The following RELL1 variants were observed in gnomAD, a reference collection of about 807,000 sequenced individuals.
RELL1 encodes the protein RELT-like protein 1.
A neutral mutation model predicts 23.0 loss-of-function variants in RELL1; 10 were observed. The observed-to-expected ratio is 0.43, with a 90% CI of 0.27 to 0.74. The LOEUF (loss-of-function observed/expected upper bound fraction) is 0.74, where lower values mean the gene tolerates loss of function less well. RELL1 is among the 30% of genes least tolerant of loss of function. The pLI is 0.19. For missense variants in RELL1, 315 were observed against 364.4 expected, an observed-to-expected ratio of 0.86 and a Z score of 1.10; for synonymous variants, 146 against 146.8, an observed-to-expected ratio of 0.99 and a Z score of 0.04.
chr4:37,597,701 G>A (rs943085697), intron 6 of RELL1, among the ~76,000 whole-genome samples: 29 of 152,168 alleles, frequency 1.9e-4, no homozygotes, highest in Non-Finnish European at 2.9e-5. Flanking sequence ...AGGTTTTCAT[G>A]GCATCAGCCA....
chr4:37,621,948 A>C (rs116822161), intron 6 of RELL1, among the ~76,000 whole-genome samples: 2,689 of 152,332 alleles, frequency 0.018, 56 homozygotes, highest in South Asian at 0.035. Flanking sequence ...AAAAAACATC[A>C]TAGTTGATGA....
chr4:37,634,750 G>A, intron 5 of RELL1, 137 bp downstream of exon 5: 2 of 774,586 alleles, frequency 2.6e-6, no homozygotes, highest in South Asian at 1.7e-5. Context: ...ACTCACACCA[G>A]AAAACATCTA....
intron 6 of RELL1, among the ~76,000 whole-genome samples, chr4:37,621,469 A>G (rs1719764747): frequency 6.6e-6 from 1 of 151,978 alleles, no homozygotes. Context: ...AAATAATAAT[A>G]ATAATAAAAT....
chr4:37,666,862 A>G (rs6531568), intron 1 of RELL1, among the ~76,000 whole-genome samples: 35,375 of 152,016 alleles, frequency 0.23, 4,292 homozygotes, highest in South Asian at 0.33. Flanking sequence ...GGGTTTTCCA[A>G]TTAGTCACAG....
chr4:37,633,137 G>A (rs1321398842), intron 5 of RELL1, among the ~76,000 whole-genome samples: 1 of 152,116 alleles, frequency 6.6e-6, no homozygotes, highest in Non-Finnish European at 1.5e-5. Context: ...GGCCAGGCAC[G>A]GTGGCTTACA....
chr4:37,604,824 C>G (rs1403148912), intron 6 of RELL1, among the ~76,000 whole-genome samples: 2 of 98,910 alleles, frequency 2.0e-5, no homozygotes, highest in South Asian at 3.5e-4. Context: ...CACACACAGA[C>G]ACACACATAC....
intron 6 of RELL1, among the ~76,000 whole-genome samples, chr4:37,618,694 C>T (rs548183260): frequency 9.8e-4 from 150 of 152,286 alleles, no homozygotes; most frequent in African/African-American, 3.5e-3. Context: ...ATTATCTTTG[C>T]ATTTATGCAT....
At chr4:37,642,862 G>A (rs572696484) in intron 3 of RELL1, among the ~76,000 whole-genome samples, 21 of 152,248 alleles carry the variant, frequency 1.4e-4, no homozygotes, top group Non-Finnish European at 1.2e-4. Context: ...TAGCTTCCAG[G>A]TGGCTGAACA....
chr4:37,643,553 T>G (rs1423984122), intron 3 of RELL1, among the ~76,000 whole-genome samples: 1 of 152,196 alleles, frequency 6.6e-6, no homozygotes, highest in Non-Finnish European at 1.5e-5. Flanking sequence ...GTGCTTAATT[T>G]TATTCCTTTT....
intron 6 of RELL1, among the ~76,000 whole-genome samples, chr4:37,604,542 A>G (rs1038733751): frequency 5.3e-5 from 8 of 151,056 alleles, no homozygotes; most frequent in African/African-American, 1.9e-4. Context: ...CCAAATCAGA[A>G]TCCTATGAGG....
chr4:37,671,191 G>GACT (rs1216577840), intron 1 of RELL1, among the ~76,000 whole-genome samples: 1 of 152,192 alleles, frequency 6.6e-6, no homozygotes, highest in Non-Finnish European at 1.5e-5. Context: ...TCTGCCTAGG[G>GACT]ACTACAAATT....
chr4:37,589,026 TAA>T (rs1718458269), downstream of RELL1: 1 of 679,480 alleles, frequency 1.5e-6, no homozygotes, highest in African/African-American at 1.8e-5. Flanking sequence ...GCCAACACAT[TAA>T]GAGTTTGGAA....
chr4:37,626,691 A>G (rs1396648097), intron 6 of RELL1, among the ~76,000 whole-genome samples: 2 of 152,134 alleles, frequency 1.3e-5, no homozygotes, highest in Non-Finnish European at 2.9e-5. Context: ...ATAATGAAAC[A>G]CTGTTCGGCC....
chr4:37,663,635 G>A (rs1004780777), intron 1 of RELL1, among the ~76,000 whole-genome samples: 2 of 152,086 alleles, frequency 1.3e-5, no homozygotes, highest in African/African-American at 2.4e-5. Context: ...ACCCCCATTC[G>A]CAGATGAGGA....
chr4:37,635,461 GA>G (rs1477321035), intron 4 of RELL1, among the ~76,000 whole-genome samples: 1 of 151,668 alleles, frequency 6.6e-6, no homozygotes, highest in Non-Finnish European at 1.5e-5. Flanking sequence ...CCTCGTCTCT[GA>G]AAAAAAATGA....
At chr4:37,622,830 G>C (rs1350588910) in intron 6 of RELL1, 1 of 430,868 alleles carries the variant, frequency 2.3e-6, no homozygotes, top group African/African-American at 2.2e-5. Flanking sequence ...CTGAGACAGA[G>C]TCTTGCTGTT....
At chr4:37,649,626 G>A (rs1720829841) in intron 1 of RELL1, 126 bp from the exon 2 acceptor site, 1 of 763,240 alleles carries the variant, frequency 1.3e-6, no homozygotes, top group Non-Finnish European at 2.1e-6. Context: ...GCAGACTGGT[G>A]GGTCCAGCTG....
At chr4:37,592,196 A>C (rs1718645301) in intron 6 of RELL1, among the ~76,000 whole-genome samples, 2 of 139,240 alleles carry the variant, frequency 1.4e-5, no homozygotes, top group Non-Finnish European at 1.6e-5. Flanking sequence ...GTGACAGTGC[A>C]AGACTCCATC....
At chr4:37,649,569 G>A (rs1163988185) in intron 1 of RELL1, 69 bp from the exon 2 acceptor site, 3 of 1,394,750 alleles carry the variant, frequency 2.2e-6, no homozygotes, top group Non-Finnish European at 3.0e-6. Flanking sequence ...TGACTCTCAG[G>A]TAATGTTCAC....
Sources: allele counts gnomAD v4.1 joint callset (sites outside exome capture counted in the v4.1 genomes callset), GRCh38; gene constraint gnomAD v4.1.1; transcripts MANE v1.5; gene names NCBI Gene and HGNC (gene_info 2026-07-23, HGNC 2026-07-21).